ST7: variants seen among roughly 807,000 people sequenced by gnomAD.
The protein encoded by ST7 is suppressor of tumorigenicity 7 protein.
In ST7, 28 loss-of-function variants were observed where a neutral mutation model predicts 78.7. The ratio of observed to expected loss-of-function variants is 0.36; its 90% CI spans 0.26 to 0.49. The LOEUF is 0.49. Among genes scored for constraint, ST7 ranks in the 20% least tolerant of loss-of-function variants. The pLI is 0.99. For missense variants in ST7, 418 were observed against 696.0 expected, an observed-to-expected ratio of 0.60 and a Z score of 4.49; for synonymous variants, 247 against 249.6, an observed-to-expected ratio of 0.99 and a Z score of 0.10.
Position 116,964,832 on chromosome 7 carries a change from C to T in ST7, c.151+11141C>T, listed in dbSNP as rs1442418583. Among the ~76,000 whole-genome samples the T allele has an allele frequency of 2.0e-5, 3 of 152,146 alleles. No homozygotes were observed. The East Asian group carries it at 5.8e-4, about 29-fold the overall frequency. ...TTCCCCAAACTGGAAGTTGTATATG[C>T]ATTATCATTCAATAAAAATCTGAAA... On this transcript the variant is annotated intron_variant, in intron 1 of 15. Coordinates refer to ENST00000323984, the MANE Select transcript of ST7 (RefSeq NM_001369598.1).
At chr7:117,229,684 A>G (rs1793668856) in intron 15 of ST7, 78 bp from the exon 16 acceptor site, 9 of 1,164,660 alleles carry the variant, frequency 7.7e-6, no homozygotes, top group Non-Finnish European at 1.1e-5. Flanking sequence ...TTAAGCTGCA[A>G]GCGTGGGTGG....
intron 10 of ST7, among the ~76,000 whole-genome samples, chr7:117,175,250 T>G (rs1350109412): frequency 6.6e-6 from 1 of 152,246 alleles, no homozygotes; most frequent in African/African-American, 2.4e-5. Flanking sequence ...GTTTTCAAGA[T>G]CATTAAGTCA....
intron 1 of ST7, among the ~76,000 whole-genome samples, chr7:116,961,871 C>T (rs1279102631): frequency 2.6e-5 from 4 of 151,792 alleles, no homozygotes; most frequent in African/African-American, 9.7e-5. Flanking sequence ...CACCTATCAA[C>T]CCGTCATCTA....
intron 1 of ST7, among the ~76,000 whole-genome samples, chr7:116,995,818 C>A (rs11982484): frequency 0.048 from 7,337 of 152,214 alleles, 589 homozygotes; most frequent in African/African-American, 0.17. Flanking sequence ...AAGTTGAAAA[C>A]GTCAATTTTT....
intron 1 of ST7, among the ~76,000 whole-genome samples, chr7:117,076,186 G>T (rs1289049071): frequency 6.6e-6 from 1 of 152,228 alleles, no homozygotes; most frequent in Non-Finnish European, 1.5e-5. Flanking sequence ...TTGGCTTTCA[G>T]TGTGGCGAGC....
intron 15 of ST7, among the ~76,000 whole-genome samples, chr7:117,227,286 G>A (rs528519569): frequency 1.2e-4 from 19 of 152,268 alleles, no homozygotes; most frequent in African/African-American, 3.6e-4. Context: ...GGCTGCAATG[G>A]CTCAATATCA....
At chr7:116,973,294 A>G (rs116868928) in intron 1 of ST7, among the ~76,000 whole-genome samples, 29 of 152,126 alleles carry the variant, frequency 1.9e-4, no homozygotes, top group Non-Finnish European at 3.4e-4. Flanking sequence ...CTCTTGTGCT[A>G]TCACCCAGGC....
intron 1 of ST7, among the ~76,000 whole-genome samples, chr7:116,979,550 T>C (rs1466724464): frequency 2.6e-5 from 4 of 152,222 alleles, no homozygotes; most frequent in Non-Finnish European, 4.4e-5. Flanking sequence ...AGGCTCTTAA[T>C]AGTCTTCATC....
At chr7:116,971,365 C>T (rs1292321648) in intron 1 of ST7, among the ~76,000 whole-genome samples, 1 of 152,090 alleles carries the variant, frequency 6.6e-6, no homozygotes, top group Non-Finnish European at 1.5e-5. Context: ...AAAACATAAT[C>T]ATCTTTCTTT....
intron 2 of ST7, among the ~76,000 whole-genome samples, chr7:117,110,570 T>C (rs960094785): frequency 6.6e-6 from 1 of 152,230 alleles, no homozygotes; most frequent in Non-Finnish European, 1.5e-5. Context: ...GGCCATCTTG[T>C]GCAGGCAGCC....
intron 1 of ST7, among the ~76,000 whole-genome samples, chr7:116,985,376 G>A (rs1280135987): frequency 1.3e-5 from 2 of 152,182 alleles, no homozygotes; most frequent in Non-Finnish European, 2.9e-5. Context: ...TAAGCAACCT[G>A]TAGGCCCACA....
chr7:117,011,092 A>G (rs958569749), intron 1 of ST7, among the ~76,000 whole-genome samples: 4 of 152,216 alleles, frequency 2.6e-5, no homozygotes, highest in African/African-American at 9.6e-5. Context: ...GTCATGAGCC[A>G]TGAACCCTCT....
chr7:117,086,448 A>G (rs1800154942), intron 1 of ST7, among the ~76,000 whole-genome samples: 1 of 152,214 alleles, frequency 6.6e-6, no homozygotes, highest in Non-Finnish European at 1.5e-5. Flanking sequence ...TTGCTAATTA[A>G]AAACATGAAA....
rs368065877 is a variant in ST7 at position 117,054,214 on chromosome 7, G to A, written c.152-45548G>A. ...ACTTACTGTATTTTAAAATCTGTGC[G>A]CACACCCCTTTAGGTATGATCTGCT... On this transcript the variant is annotated intron_variant, in intron 1 of 15. Transcript: ENST00000323984. 2.0e-4 allele frequency among the ~76,000 whole-genome samples: 31 copies of A among 152,232 alleles called. No individual in the cohort carries two copies. The South Asian group carries it at 2.7e-3, about 13-fold the overall frequency.
intron 12 of ST7, among the ~76,000 whole-genome samples, chr7:117,195,430 T>C (rs1260206569): frequency 5.3e-5 from 8 of 152,196 alleles, no homozygotes; most frequent in Non-Finnish European, 1.0e-4. Context: ...TTTTTAGGTG[T>C]ACAGTACAAT....
intron 1 of ST7, among the ~76,000 whole-genome samples, chr7:116,983,983 A>G (rs964843076): frequency 6.6e-6 from 1 of 152,130 alleles, no homozygotes; most frequent in Admixed American, 6.5e-5. Flanking sequence ...TTGGTTCTTA[A>G]GGTGATATCG....
Position 117,139,699 on chromosome 7 carries a change from C to T in ST7, c.963+1167C>T, listed in dbSNP as rs35340088. On this transcript the variant is annotated intron_variant, in intron 9 of 15. Transcript: ENST00000323984. ...GTTATAAAGTATTTCTCTTTGACTG[C>T]AGGTGATAGATGCTCTCTAGGAAAG... Among the ~76,000 whole-genome samples the T allele has an allele frequency of 1.2e-3, 180 of 152,272 alleles. 1 individual carries two copies. Among genetic ancestry groups the T allele is most frequent in the Admixed American group, 3.9e-3 (60 of 15,272 alleles).
rs1035707265 is a variant in ST7 at position 117,224,934 on chromosome 7, G to A, written c.1638+2872G>A. On this transcript the variant is annotated intron_variant, in intron 15 of 15. Coordinates refer to ENST00000323984, the MANE Select transcript of ST7 (RefSeq NM_001369598.1). ...TCCCTGGCTCTACCTTGGAATCATCGAAAAACTTAAAAGTTACTGAGGCCT... is the reference window on the plus strand; with the variant it reads ...TCCCTGGCTCTACCTTGGAATCATCAAAAAACTTAAAAGTTACTGAGGCCT... Among the ~76,000 whole-genome samples, 19 of 152,118 alleles carry A rather than the reference G, an allele frequency of 1.2e-4. No homozygotes were observed. In the South Asian group the frequency reaches 2.3e-3, roughly 18 times the overall value.
At chr7:117,110,283 T>C (rs973949484) in intron 2 of ST7, among the ~76,000 whole-genome samples, 1 of 152,208 alleles carries the variant, frequency 6.6e-6, no homozygotes, top group Non-Finnish European at 1.5e-5. Flanking sequence ...AAACCAGTAA[T>C]TCACTCTGAT....
Sources: allele counts gnomAD v4.1 joint callset (sites outside exome capture counted in the v4.1 genomes callset), GRCh38; gene constraint gnomAD v4.1.1; transcripts MANE v1.5; gene names NCBI Gene and HGNC (gene_info 2026-07-23, HGNC 2026-07-21).